Variants in SFTPD observed in about 807,000 individuals in gnomAD.
The protein encoded by SFTPD is pulmonary surfactant-associated protein D.
SFTPD carries 18 observed loss-of-function variants against 34.6 expected under a neutral mutation model. The ratio of observed to expected loss-of-function variants is 0.52; its 90% CI spans 0.36 to 0.77. The LOEUF (loss-of-function observed/expected upper bound fraction) is 0.77. Among genes scored for constraint, SFTPD ranks in the 30% least tolerant of loss-of-function variants. The pLI is 0.00. For synonymous variants in SFTPD, 155 were observed against 180.9 expected, an observed-to-expected ratio of 0.86 and a Z score of 1.15; for missense variants, 433 against 468.9, an observed-to-expected ratio of 0.92 and a Z score of 0.71.
intron 1 of SFTPD, among the ~76,000 whole-genome samples, chr10:79,982,380 G>A (rs1842896562): frequency 6.6e-6 from 1 of 151,734 alleles, no homozygotes; most frequent in Non-Finnish European, 1.5e-5. Context: ...CGCTCCCGCG[G>A]CGGGGCCGTG....
chr10:79,974,895 A>G lies in SFTPD; in HGVS notation c.36+7680T>C, dbSNP rs372309575. Among the ~76,000 whole-genome samples, 4 of 152,390 alleles carry G rather than the reference A, an allele frequency of 2.6e-5. No homozygotes were observed. The East Asian group carries it at 5.8e-4, about 22-fold the overall frequency. ...GGAAATCAGGGGTCTCACAGCCTTCAGAGCATTAATTAGCATTGTTTCTAT... is the reference window on the plus strand; with the variant it reads ...GGAAATCAGGGGTCTCACAGCCTTCGGAGCATTAATTAGCATTGTTTCTAT... On this transcript the variant is annotated intron_variant, in intron 1 of 5. Transcript: ENST00000444384.
At chr10:79,974,286 G>A (rs1272094060) in intron 1 of SFTPD, among the ~76,000 whole-genome samples, 4 of 151,882 alleles carry the variant, frequency 2.6e-5, no homozygotes, top group South Asian at 4.2e-4. Context: ...TCCTGCCTCC[G>A]CCTCCCGAGT....
chr10:79,952,978 C>T (rs1842719357), upstream of SFTPD, among the ~76,000 whole-genome samples: 1 of 152,216 alleles, frequency 6.6e-6, no homozygotes, highest in Admixed American at 6.5e-5. Flanking sequence ...CTCCATGGGA[C>T]TCTATGTTCC....
chr10:79,956,902 A>G (rs1842743154), intron 1 of SFTPD, among the ~76,000 whole-genome samples: 2 of 152,156 alleles, frequency 1.3e-5, no homozygotes, highest in African/African-American at 4.8e-5. Context: ...GGCACCCCCC[A>G]GTAGGGACAG....
At chr10:79,970,425 A>G (rs1246065910) in intron 1 of SFTPD, 5 of 152,066 alleles carry the variant, frequency 3.3e-5, no homozygotes, top group Non-Finnish European at 7.4e-5. Flanking sequence ...TCATATTTTA[A>G]TAGGAACTTT....
chr10:79,957,135 C>T (rs543756121), intron 1 of SFTPD, among the ~76,000 whole-genome samples: 1 of 152,164 alleles, frequency 6.6e-6, no homozygotes, highest in East Asian at 1.9e-4. Context: ...GACATCCACA[C>T]CAAAAACCCT....
intron 2 of SFTPD, 43 bp downstream of exon 2, chr10:79,946,418 G>A: frequency 1.4e-6 from 2 of 1,435,138 alleles, no homozygotes; most frequent in African/African-American, 1.4e-5. Flanking sequence ...CAGTTCCAAT[G>A]ACCATTCCTC....
At chr10:79,942,602 A>C in intron 3 of SFTPD, 98 bp from the exon 4 acceptor site, 1 of 940,654 alleles carries the variant, frequency 1.1e-6, no homozygotes, top group South Asian at 1.4e-5. Flanking sequence ...GGGAGGCAGC[A>C]TTGTTGTCCT....
chr10:79,960,680 T>C (rs1842766923), intron 1 of SFTPD, among the ~76,000 whole-genome samples: 1 of 151,962 alleles, frequency 6.6e-6, no homozygotes, highest in Non-Finnish European at 1.5e-5. Flanking sequence ...TCCATGCTCA[T>C]GGGTAGGAAG....
intron 7 of SFTPD, among the ~76,000 whole-genome samples, chr10:79,940,148 G>A (rs971345043): frequency 1.2e-4 from 18 of 152,196 alleles, no homozygotes; most frequent in Admixed American, 1.2e-3. Context: ...CTAGTTCCCA[G>A]AACAGTATCT....
chr10:79,969,120 C>T (rs535064119), intron 1 of SFTPD: 2 of 151,998 alleles, frequency 1.3e-5, no homozygotes, highest in Non-Finnish European at 2.9e-5. Context: ...GGGCGGATCA[C>T]CTGAGATCAG....
intron 1 of SFTPD, among the ~76,000 whole-genome samples, chr10:79,961,114 T>C (rs183457884): frequency 0.011 from 1,702 of 152,276 alleles, 18 homozygotes; most frequent in Non-Finnish European, 0.017. Context: ...TGAAACTGGA[T>C]CCCTTCCTTA....
At chr10:79,980,587 A>T (rs1842884851) in intron 1 of SFTPD, among the ~76,000 whole-genome samples, 1 of 152,096 alleles carries the variant, frequency 6.6e-6, no homozygotes, top group Non-Finnish European at 1.5e-5. Flanking sequence ...TGCTTGTGTC[A>T]CCCCTTCCTC....
chr10:79,943,882 T>A (rs1589334948), intron 2 of SFTPD, among the ~76,000 whole-genome samples: 2 of 152,172 alleles, frequency 1.3e-5, no homozygotes, highest in East Asian at 1.9e-4. Flanking sequence ...TTGCTTGGGC[T>A]TCACCCAGGC....
intron 1 of SFTPD, among the ~76,000 whole-genome samples, chr10:79,955,023 C>T (rs1842730881): frequency 6.6e-6 from 1 of 152,192 alleles, no homozygotes. Flanking sequence ...CCACCTGTTT[C>T]TTTGTTTGAT....
At chr10:79,977,099 G>A (rs951412941) in intron 1 of SFTPD, among the ~76,000 whole-genome samples, 33 of 152,282 alleles carry the variant, frequency 2.2e-4, no homozygotes, top group African/African-American at 7.7e-4. Flanking sequence ...GTCTTTATCA[G>A]CAGCATGAAA....
At chr10:79,974,877 A>C (rs931118569) in intron 1 of SFTPD, among the ~76,000 whole-genome samples, 25 of 152,336 alleles carry the variant, frequency 1.6e-4, no homozygotes, top group Non-Finnish European at 1.8e-4. Flanking sequence ...GTGGGAAATC[A>C]GGGGTCTCAC....
intron 7 of SFTPD, among the ~76,000 whole-genome samples, chr10:79,939,127 G>A (rs1842587002): frequency 6.6e-6 from 1 of 152,086 alleles, no homozygotes; most frequent in Non-Finnish European, 1.5e-5. Flanking sequence ...CCCTTTTCAG[G>A]GTTTCCATTT....
At chr10:79,945,847 G>C (rs1842659487) in intron 2 of SFTPD, among the ~76,000 whole-genome samples, 1 of 152,160 alleles carries the variant, frequency 6.6e-6, no homozygotes, top group Non-Finnish European at 1.5e-5. Flanking sequence ...CCTCCAGAAT[G>C]GTTGCTACTT....
Sources: gnomAD v4.1 joint callset for allele counts (sites outside exome capture counted in the v4.1 genomes callset) on GRCh38, gnomAD v4.1.1 for gene constraint, MANE v1.5 for transcripts, NCBI Gene and HGNC (gene_info 2026-07-23, HGNC 2026-07-21) for gene names.